The following RALYL variants were observed in gnomAD, a reference collection of about 807,000 sequenced individuals.
RALYL encodes RALY RNA binding protein like, also known as RNA-binding Raly-like protein.
A neutral mutation model predicts 35.1 loss-of-function variants in RALYL; 29 were observed. The observed-to-expected ratio is 0.83, with a 90% CI of 0.61 to 1.13. The LOEUF is 1.13. RALYL is among the 50% of genes most tolerant of loss of function. The pLI is 0.00. For synonymous variants in RALYL, 120 were observed against 127.6 expected (o/e 0.94, Z 0.40); for missense variants, 359 against 360.4 (o/e 1.00, Z 0.03).
intron 1 of RALYL, among the ~76,000 whole-genome samples, chr8:84,354,065 ATTTT>A (rs11400271): frequency 6.9e-6 from 1 of 144,538 alleles, no homozygotes; most frequent in Non-Finnish European, 1.5e-5. Context: ...TAAAAAATAG[ATTTT>A]TTTTTTTTCA....
At chr8:84,252,470 A>T (rs982968819) in intron 1 of RALYL, among the ~76,000 whole-genome samples, 1 of 152,148 alleles carries the variant, frequency 6.6e-6, no homozygotes, top group Non-Finnish European at 1.5e-5. Context: ...AAATATGCCT[A>T]ATGTAAGATC....
chr8:84,235,666 T>A (rs550276124), intron 1 of RALYL, among the ~76,000 whole-genome samples: 1 of 152,264 alleles, frequency 6.6e-6, no homozygotes, highest in South Asian at 2.1e-4. Context: ...TAGTTAGTAA[T>A]ATTTTTAGTA....
At chr8:84,806,727 G>A (rs779967807) in intron 4 of RALYL, among the ~76,000 whole-genome samples, 21 of 152,126 alleles carry the variant, frequency 1.4e-4, no homozygotes, top group Non-Finnish European at 2.8e-4. Context: ...AAATGTTTCT[G>A]TTCCCTCAAG....
At chr8:84,628,143 C>G (rs903760523) in intron 2 of RALYL, among the ~76,000 whole-genome samples, 5 of 152,092 alleles carry the variant, frequency 3.3e-5, no homozygotes, top group African/African-American at 1.2e-4. Flanking sequence ...TACAGTTTGG[C>G]TGGTATTTTT....
At chr8:84,209,114 C>T (rs1290478864) in intron 1 of RALYL, among the ~76,000 whole-genome samples, 1 of 141,380 alleles carries the variant, frequency 7.1e-6, no homozygotes, top group Non-Finnish European at 1.5e-5. Context: ...ATAAACATCC[C>T]ACTCCTCCAC....
At chr8:84,511,043 G>A (rs935041165) in intron 1 of RALYL, among the ~76,000 whole-genome samples, 8 of 152,068 alleles carry the variant, frequency 5.3e-5, no homozygotes, top group Non-Finnish European at 8.8e-5. Context: ...TATCTGAAAC[G>A]TTTTACCCTT....
intron 1 of RALYL, among the ~76,000 whole-genome samples, chr8:84,415,206 T>G (rs113867943): frequency 0.04 from 5,049 of 125,840 alleles, 141 homozygotes; most frequent in East Asian, 0.16. Context: ...CAGACACTCG[T>G]TTTTTTTTTT....
At chr8:84,643,835 G>A (rs1290056843) in intron 2 of RALYL, among the ~76,000 whole-genome samples, 1 of 152,048 alleles carries the variant, frequency 6.6e-6, no homozygotes, top group Non-Finnish European at 1.5e-5. Flanking sequence ...GGAGGCATGT[G>A]GGAAGGGTAC....
At chr8:84,358,980 A>G (rs1452426417) in intron 1 of RALYL, among the ~76,000 whole-genome samples, 2 of 152,078 alleles carry the variant, frequency 1.3e-5, no homozygotes, top group Non-Finnish European at 2.9e-5. Flanking sequence ...GATTAAATTG[A>G]TGGCAAATAC....
At chr8:84,845,367 C>T (rs1268914337) in intron 4 of RALYL, among the ~76,000 whole-genome samples, 3 of 151,976 alleles carry the variant, frequency 2.0e-5, no homozygotes, top group African/African-American at 7.2e-5. Flanking sequence ...TATTTTTTAA[C>T]AAAAGCCATT....
rs144376469 is a variant in RALYL at position 84,499,331 on chromosome 8, T to C, written c.-23-29968T>C. ...TCAAACTAGATGTTTGTCTTTGTTA[T>C]CAATAGAATACTTGTTTTGGGAAAT... On this transcript the variant is annotated intron_variant, in intron 1 of 8. Coordinates refer to ENST00000521268, the MANE Select transcript of RALYL (RefSeq NM_173848.7). 1.5e-3 allele frequency among the ~76,000 whole-genome samples: 229 copies of C among 152,288 alleles called. 2 individuals are homozygous for C. Among genetic ancestry groups the C allele is most frequent in the African/African-American group, 4.8e-3 (198 of 41,562 alleles).
intron 8 of RALYL, among the ~76,000 whole-genome samples, chr8:84,908,664 A>G (rs1202577568): frequency 6.6e-6 from 1 of 152,158 alleles, no homozygotes; most frequent in East Asian, 1.9e-4. Flanking sequence ...AATAAATATG[A>G]GAATGCAGAT....
At chr8:84,521,860 TAATCTC>T (rs1349831272) in intron 1 of RALYL, among the ~76,000 whole-genome samples, 5 of 152,144 alleles carry the variant, frequency 3.3e-5, no homozygotes, top group Non-Finnish European at 7.4e-5. Flanking sequence ...TCCAATTACT[TAATCTC>T]AATCTCCAGA....
intron 1 of RALYL, among the ~76,000 whole-genome samples, chr8:84,363,950 GC>G (rs1266027336): frequency 6.6e-5 from 10 of 152,134 alleles, no homozygotes; most frequent in Non-Finnish European, 1.3e-4. Context: ...TACTGTAGTA[GC>G]TTTTGTATGT....
At chr8:84,784,595 G>A (rs995032696) in intron 3 of RALYL, among the ~76,000 whole-genome samples, 5 of 152,110 alleles carry the variant, frequency 3.3e-5, no homozygotes, top group Non-Finnish European at 5.9e-5. Flanking sequence ...AGTTCTGCAC[G>A]GTAGAAAAGT....
chr8:84,717,912 C>A (rs1426655984), intron 2 of RALYL, among the ~76,000 whole-genome samples: 1 of 152,024 alleles, frequency 6.6e-6, no homozygotes. Context: ...AGCTTCATAA[C>A]AAATAACTAT....
chr8:84,635,654 G>T (rs1025354785), intron 2 of RALYL, among the ~76,000 whole-genome samples: 1 of 151,610 alleles, frequency 6.6e-6, no homozygotes, highest in African/African-American at 2.4e-5. Flanking sequence ...CTTGCCCTTG[G>T]ATATAAAGTA....
At chr8:84,812,179 C>A (rs565120903) in intron 4 of RALYL, among the ~76,000 whole-genome samples, 1 of 152,198 alleles carries the variant, frequency 6.6e-6, no homozygotes, top group East Asian at 1.9e-4. Flanking sequence ...ATTCTTTTGT[C>A]CCACAGGGAG....
chr8:84,719,730 G>A (rs1270606048), intron 2 of RALYL, among the ~76,000 whole-genome samples: 1 of 151,860 alleles, frequency 6.6e-6, no homozygotes, highest in East Asian at 1.9e-4. Context: ...CATATATATT[G>A]GATAATTATC....
Sources: gnomAD v4.1 joint callset for allele counts (sites outside exome capture counted in the v4.1 genomes callset) on GRCh38, gnomAD v4.1.1 for gene constraint, MANE v1.5 for transcripts, NCBI Gene and HGNC (gene_info 2026-07-23, HGNC 2026-07-21) for gene names.